ERCC6L2: variants seen among roughly 807,000 people sequenced by gnomAD.
The protein encoded by ERCC6L2 is DNA excision repair protein ERCC-6-like 2.
ERCC6L2 carries 77 observed loss-of-function variants against 132.0 expected under a neutral mutation model. That is an observed-to-expected ratio of 0.58 (90% CI 0.49 to 0.71). ERCC6L2 has a LOEUF of 0.71. Ranked by LOEUF, ERCC6L2 falls within the 30% of genes least tolerant of loss-of-function variation. ERCC6L2 has a pLI of 0.00. For missense variants in ERCC6L2, 1,542 were observed against 1,837.6 expected, an observed-to-expected ratio of 0.84 and a Z score of 2.94; for synonymous variants, 583 against 632.4, an observed-to-expected ratio of 0.92 and a Z score of 1.17.
At chr9:95,998,215 T>C (rs1415331310) in intron 17 of ERCC6L2, among the ~76,000 whole-genome samples, 1 of 152,160 alleles carries the variant, frequency 6.6e-6, no homozygotes, top group East Asian at 1.9e-4. Context: ...AGATATCCCT[T>C]TCTGAAGTCC....
In ERCC6L2 at chr9:95,875,955, T is replaced by C. The variant is rs995728267; in HGVS notation, c.-84T>C. On this transcript the variant is annotated 5_prime_UTR_variant, in exon 1 of 19. Coordinates refer to ENST00000653738, the MANE Select transcript of ERCC6L2 (RefSeq NM_020207.7). ...GGCCGGAAGTGGCGTTGGCCGCCAT[T>C]GGCCTGCCGGCCAGCCACCTTGCTG... 2.7e-6 allele frequency: 4 copies of C among 1,472,214 alleles called. No homozygotes were observed. Among genetic ancestry groups the C allele is most frequent in the Middle Eastern group, 1.9e-4 (1 of 5,266 alleles). 91.2% of individuals were successfully genotyped at this position (1,472,214 alleles called of 1,614,324 possible).
At chr9:95,901,296 G>T (rs914101755) in intron 3 of ERCC6L2, among the ~76,000 whole-genome samples, 6 of 151,752 alleles carry the variant, frequency 4.0e-5, no homozygotes, top group African/African-American at 1.5e-4. Context: ...AAGTATTAAG[G>T]ACTTTTTTAA....
chr9:95,906,738 A>G (rs1333571441), intron 3 of ERCC6L2: 2 of 464,084 alleles, frequency 4.3e-6, no homozygotes, highest in Admixed American at 4.7e-5. Flanking sequence ...TTGGCCTTTG[A>G]AGCTATTACT....
chr9:95,909,606 T>C (rs932021753), intron 4 of ERCC6L2, among the ~76,000 whole-genome samples: 1 of 152,192 alleles, frequency 6.6e-6, no homozygotes, highest in African/African-American at 2.4e-5. Context: ...TTTTTTGAGA[T>C]TCATTCATGT....
In ERCC6L2 at chr9:96,015,399, G is replaced by A. The variant is rs113025509; in HGVS notation, c.*2196G>A. Among the ~76,000 whole-genome samples the A allele has an allele frequency of 0.013, 1,950 of 151,892 alleles. 54 individuals carry two copies. Among genetic ancestry groups the A allele is most frequent in the African/African-American group, 0.045 (1,879 of 41,498 alleles). On this transcript the variant is annotated 3_prime_UTR_variant, in exon 19 of 19. Coordinates refer to ENST00000653738, the MANE Select transcript of ERCC6L2 (RefSeq NM_020207.7). The stretch of plus-strand genomic sequence containing the variant: ...GATGGGGTTTCACCATGTTGGCCAG[G>A]CTGGTCTCAATCTCCTGGCTGCAAG...
chr9:96,005,993 G>T (rs758443792), intron 18 of ERCC6L2, among the ~76,000 whole-genome samples: 4 of 152,172 alleles, frequency 2.6e-5, no homozygotes, highest in Non-Finnish European at 4.4e-5. Flanking sequence ...TACTGAATGG[G>T]GAAAACCAGA....
chr9:95,984,296 TTA>T (rs1410716415), intron 17 of ERCC6L2, among the ~76,000 whole-genome samples: 1 of 149,484 alleles, frequency 6.7e-6, no homozygotes, highest in Non-Finnish European at 1.5e-5. Flanking sequence ...ATGTTATATG[TTA>T]TATATGTATA....
intron 12 of ERCC6L2, among the ~76,000 whole-genome samples, chr9:95,953,582 A>G (rs978748754): frequency 5.9e-5 from 9 of 152,002 alleles, no homozygotes; most frequent in Non-Finnish European, 8.8e-5. Flanking sequence ...CTCAAAAAAA[A>G]AAAAAAACAA....
chr9:95,907,857 C>CAAACACACACACACACA lies in ERCC6L2; in HGVS notation c.788+586_788+587insAAACACACACACACACA. On this transcript the variant is annotated intron_variant, in intron 4 of 18. Transcript: ENST00000653738. ...CACACACACACACACACACACACAC[C>CAAACACACACACACACA]CCCACACCCACACACCCACTGTAGC... Among the ~76,000 whole-genome samples the CAAACACACACACACACA allele has an allele frequency of 3.7e-5, 5 of 133,816 alleles. No individual in the cohort carries two copies. The South Asian group carries it at 7.5e-4, about 20-fold the overall frequency. 87.8% of individuals were successfully genotyped at this position (133,816 alleles called of 152,430 possible). A position where few individuals can be genotyped will look rare whatever the true frequency, so the allele number is the denominator to read the frequency against.
At chr9:95,979,636 A>G (rs1832813531) in intron 17 of ERCC6L2, among the ~76,000 whole-genome samples, 1 of 152,194 alleles carries the variant, frequency 6.6e-6, no homozygotes. Flanking sequence ...CCATAGGCCC[A>G]GTGCCAGACT....
intron 3 of ERCC6L2, chr9:95,906,841 G>A: frequency 1.8e-6 from 1 of 542,048 alleles, no homozygotes; most frequent in African/African-American, 1.9e-5. Context: ...AAAAACACGT[G>A]TTTCTTTGAG....
intron 6 of ERCC6L2, chr9:95,918,684 C>T (rs1045037553): frequency 1.0e-5 from 2 of 198,232 alleles, no homozygotes; most frequent in South Asian, 8.0e-5. Flanking sequence ...AGTGAAGGCT[C>T]GACTTGTTCT....
At chr9:95,985,615 A>G (rs1833066105) in intron 17 of ERCC6L2, among the ~76,000 whole-genome samples, 1 of 152,214 alleles carries the variant, frequency 6.6e-6, no homozygotes, top group African/African-American at 2.4e-5. Context: ...GCATCCTCAT[A>G]TAGCAATAAT....
At chr9:95,877,744 T>C (rs938141162) in intron 1 of ERCC6L2, among the ~76,000 whole-genome samples, 6 of 151,514 alleles carry the variant, frequency 4.0e-5, no homozygotes, top group Non-Finnish European at 7.4e-5. Flanking sequence ...AGTTGGAGTT[T>C]ACAGTGAGCT....
intron 19 of ERCC6L2, among the ~76,000 whole-genome samples, chr9:96,030,174 ATCAGCACCCTGTAAAATGGATCAG>A (rs1424134872): frequency 2.6e-5 from 4 of 151,890 alleles, no homozygotes; most frequent in African/African-American, 4.8e-5. Context: ...AAATGGACCA[ATCAGCACCCTGTAAAATGGATCAG>A]TCAGCACCCT....
chr9:95,876,136 T>C, intron 1 of ERCC6L2, 52 bp downstream of exon 1: 2 of 1,506,012 alleles, frequency 1.3e-6, no homozygotes, highest in African/African-American at 1.4e-5. Flanking sequence ...CTGCGTCGCG[T>C]TGGACCAGTT....
chr9:96,012,141 CT>C, intron 18 of ERCC6L2, 83 bp from the exon 19 acceptor site: 1 of 936,586 alleles, frequency 1.1e-6, no homozygotes, highest in East Asian at 6.3e-5. Flanking sequence ...TCTGTGGACT[CT>C]ACATTTCCTC....
intron 2 of ERCC6L2, among the ~76,000 whole-genome samples, chr9:95,890,377 G>A (rs1484431748): frequency 6.6e-6 from 1 of 151,910 alleles, no homozygotes; most frequent in Non-Finnish European, 1.5e-5. Context: ...CTATTTAATT[G>A]GTGAAAATAT....
intron 3 of ERCC6L2, among the ~76,000 whole-genome samples, chr9:95,902,856 C>T (rs1448259506): frequency 6.6e-6 from 1 of 151,922 alleles, no homozygotes; most frequent in Non-Finnish European, 1.5e-5. Context: ...AATCATAGTC[C>T]TTGATTAATA....
Sources: allele counts gnomAD v4.1 joint callset (sites outside exome capture counted in the v4.1 genomes callset), GRCh38; gene constraint gnomAD v4.1.1; transcripts MANE v1.5; gene names NCBI Gene and HGNC (gene_info 2026-07-23, HGNC 2026-07-21).